The following IFT56 variants were observed in gnomAD, a reference collection of about 807,000 sequenced individuals.
IFT56 encodes the protein intraflagellar transport protein 56.
At chr7:139,138,699 G>A in the IFT56 span, among the ~76,000 whole-genome samples, 1 of 152,010 alleles carries the variant, frequency 6.6e-6, no homozygotes, top group Non-Finnish European at 1.5e-5. Flanking sequence ...TTAGACAAAG[G>A]AACAATTATA....
At chr7:139,152,684 T>C in the IFT56 span, among the ~76,000 whole-genome samples, 6 of 152,342 alleles carry the variant, frequency 3.9e-5, no homozygotes, top group Admixed American at 3.9e-4. Flanking sequence ...CTAACGTAGA[T>C]ATGATGACCT....
chr7:139,189,496 C>G, the IFT56 span: 1 of 1,134,148 alleles, frequency 8.8e-7, no homozygotes, highest in Non-Finnish European at 1.3e-6. Flanking sequence ...CATTTTCACT[C>G]CAGTTTAATC....
the IFT56 span, chr7:139,181,105 G>A: frequency 4.4e-6 from 7 of 1,606,024 alleles, no homozygotes; most frequent in Admixed American, 8.7e-5. Context: ...TTATGAATAA[G>A]AAACCAAGAC....
the IFT56 span, chr7:139,181,041 T>C: frequency 4.4e-6 from 5 of 1,148,666 alleles, no homozygotes; most frequent in Non-Finnish European, 5.1e-6. Flanking sequence ...AAATTATTTT[T>C]GTACAGTAAA....
the IFT56 span, among the ~76,000 whole-genome samples, chr7:139,155,168 G>A: frequency 2.0e-5 from 3 of 152,166 alleles, no homozygotes; most frequent in South Asian, 4.2e-4. Context: ...TGTATTGATT[G>A]TATCCTGAAA....
At chr7:139,191,807 G>A in the IFT56 span, 6 of 152,186 alleles carry the variant, frequency 3.9e-5, no homozygotes, top group Admixed American at 2.6e-4. Flanking sequence ...GAGAGAGGAA[G>A]ACCCAGACTT....
the IFT56 span, among the ~76,000 whole-genome samples, chr7:139,168,838 C>T: frequency 6.6e-6 from 1 of 152,052 alleles, no homozygotes; most frequent in Admixed American, 6.6e-5. Flanking sequence ...CTTAATACAG[C>T]GTTCTTTGTT....
the IFT56 span, among the ~76,000 whole-genome samples, chr7:139,167,624 T>C: frequency 6.6e-6 from 1 of 152,014 alleles, no homozygotes. Flanking sequence ...AAAGGATTAC[T>C]AGCAAAGAAA....
chr7:139,147,274 A>C, the IFT56 span: 1 of 1,608,330 alleles, frequency 6.2e-7, no homozygotes. Flanking sequence ...ATATAAGCGA[A>C]TACTGCTAGA....
the IFT56 span, among the ~76,000 whole-genome samples, chr7:139,152,781 G>A: frequency 0.25 from 37,730 of 152,094 alleles, 8,456 homozygotes; most frequent in African/African-American, 0.57. Flanking sequence ...AAAGTGTACA[G>A]TTGGTTTTTT....
At chr7:139,190,495 T>G in the IFT56 span, 1 of 152,350 alleles carries the variant, frequency 6.6e-6, no homozygotes, top group Non-Finnish European at 1.5e-5. Flanking sequence ...TCCGCCCGTC[T>G]CAGCCTCCCA....
chr7:139,162,251 C>G, the IFT56 span, among the ~76,000 whole-genome samples: 1 of 152,074 alleles, frequency 6.6e-6, no homozygotes, highest in Non-Finnish European at 1.5e-5. Context: ...GGGCCCCATC[C>G]CCAGGGAATC....
At chr7:139,191,718 A>C in the IFT56 span, 1 of 152,226 alleles carries the variant, frequency 6.6e-6, no homozygotes, top group Non-Finnish European at 1.5e-5. Context: ...AAAGATAGCT[A>C]CTTCTGAAAT....
the IFT56 span, chr7:139,178,208 T>C: frequency 1.2e-6 from 2 of 1,610,772 alleles, no homozygotes; most frequent in Non-Finnish European, 1.7e-6. Context: ...TTCCCCTCCG[T>C]TTCAGATACA....
chr7:139,170,188 A>G, the IFT56 span, among the ~76,000 whole-genome samples: 1 of 152,212 alleles, frequency 6.6e-6, no homozygotes, highest in South Asian at 2.1e-4. Context: ...GAGCAAACCA[A>G]TAACAAGTAA....
the IFT56 span, chr7:139,168,510 T>A: frequency 1.4e-6 from 1 of 739,562 alleles, no homozygotes; most frequent in Non-Finnish European, 2.4e-6. Context: ...GCTCCTTTTA[T>A]TTCTCCATAT....
chr7:139,187,163 TG>T, the IFT56 span, among the ~76,000 whole-genome samples: 1 of 136,676 alleles, frequency 7.3e-6, no homozygotes, highest in African/African-American at 2.8e-5. Flanking sequence ...GTAGAAAAAA[TG>T]TTATACTGTT....
chr7:139,137,846 G>A, the IFT56 span: 1 of 1,611,890 alleles, frequency 6.2e-7, no homozygotes, highest in African/African-American at 1.3e-5. Context: ...TTAACCTGAA[G>A]TTCAAACGTC....
chr7:139,177,611 AGTGTG>A, the IFT56 span, among the ~76,000 whole-genome samples: 2 of 148,476 alleles, frequency 1.3e-5, no homozygotes, highest in Admixed American at 6.8e-5. Flanking sequence ...ATATATATAT[AGTGTG>A]TGTGTGTGTG....
Sources: allele counts gnomAD v4.1 joint callset (sites outside exome capture counted in the v4.1 genomes callset), GRCh38; gene constraint gnomAD v4.1.1; transcripts MANE v1.5; gene names NCBI Gene and HGNC (gene_info 2026-07-23, HGNC 2026-07-21).